STPG2: variants seen among roughly 807,000 people sequenced by gnomAD.
The protein encoded by STPG2 is sperm-tail PG-rich repeat-containing protein 2.
A neutral mutation model predicts 54.2 loss-of-function variants in STPG2; 56 were observed. That is an observed-to-expected ratio of 1.03 (90% CI 0.83 to 1.29). STPG2 has a LOEUF of 1.29. STPG2 is among the 50% of genes most tolerant of loss of function. STPG2 has a pLI of 0.00. For synonymous variants in STPG2, 200 were observed against 181.8 expected (o/e 1.10, Z -0.81); for missense variants, 596 against 544.9 (o/e 1.09, Z -0.93).
At chr4:97,508,510 G>A (rs543880711) in intron 4 of STPG2, among the ~76,000 whole-genome samples, 5 of 151,680 alleles carry the variant, frequency 3.3e-5, no homozygotes, top group Admixed American at 3.3e-4. Flanking sequence ...TATATGTACA[G>A]GTAAAAAAAT....
intron 1 of STPG2, among the ~76,000 whole-genome samples, chr4:98,139,755 A>G (rs1000985992): frequency 6.6e-6 from 1 of 152,220 alleles, no homozygotes; most frequent in East Asian, 1.9e-4. Flanking sequence ...TCAACAAGAC[A>G]CTATCCTATA....
At chr4:97,538,978 A>G (rs1218050034) in intron 4 of STPG2, among the ~76,000 whole-genome samples, 1 of 152,212 alleles carries the variant, frequency 6.6e-6, no homozygotes, top group African/African-American at 2.4e-5. Flanking sequence ...AATCCTTTAC[A>G]GATAAGCAAA....
chr4:97,861,894 G>A (rs936414628), intron 8 of STPG2, among the ~76,000 whole-genome samples: 3 of 152,008 alleles, frequency 2.0e-5, no homozygotes, highest in Non-Finnish European at 4.4e-5. Flanking sequence ...TCACCACCAG[G>A]CCTGCCCTAA....
chr4:97,918,003 A>G (rs1033017324), intron 8 of STPG2, among the ~76,000 whole-genome samples: 1 of 152,154 alleles, frequency 6.6e-6, no homozygotes, highest in East Asian at 1.9e-4. Context: ...CAAAACTACA[A>G]TGGAGAACTC....
intron 10 of STPG2, among the ~76,000 whole-genome samples, chr4:97,703,750 A>ATG (rs917919438): frequency 4.1e-5 from 6 of 145,180 alleles, no homozygotes; most frequent in Admixed American, 3.6e-4. Flanking sequence ...TATCGTATAT[A>ATG]TATAGTATAT....
chr4:97,903,739 C>T (rs182084034), intron 8 of STPG2, among the ~76,000 whole-genome samples: 308 of 152,246 alleles, frequency 2.0e-3, no homozygotes, highest in African/African-American at 7.2e-3. Flanking sequence ...TCAGTGGGTG[C>T]GCAAACTGTG....
chr4:97,943,518 T>C (rs995587021), intron 8 of STPG2, among the ~76,000 whole-genome samples: 1 of 138,952 alleles, frequency 7.2e-6, no homozygotes. Context: ...AATAAATCAC[T>C]CGGGAGTCTT....
intron 10 of STPG2, among the ~76,000 whole-genome samples, chr4:97,562,151 C>G (rs565847524): frequency 5.3e-5 from 8 of 152,172 alleles, no homozygotes; most frequent in South Asian, 2.1e-4. Context: ...TGAAGAGGTC[C>G]TTCACGTCCC....
At chr4:97,473,378 G>T (rs1288781789) in intron 4 of STPG2, among the ~76,000 whole-genome samples, 2 of 152,070 alleles carry the variant, frequency 1.3e-5, no homozygotes, top group African/African-American at 4.8e-5. Context: ...CTCGAAAATG[G>T]CCCCCTTGGG....
At chr4:97,855,980 G>C (rs1334362523) in intron 8 of STPG2, among the ~76,000 whole-genome samples, 1 of 152,122 alleles carries the variant, frequency 6.6e-6, no homozygotes, top group African/African-American at 2.4e-5. Context: ...GGCTGTAGGT[G>C]TGTGGTCTTA....
At chr4:97,829,316 G>A (rs1219454396) in intron 9 of STPG2, among the ~76,000 whole-genome samples, 1 of 152,024 alleles carries the variant, frequency 6.6e-6, no homozygotes, top group Non-Finnish European at 1.5e-5. Flanking sequence ...AACAGAAAGG[G>A]ATAGCATCAA....
intron 5 of STPG2, among the ~76,000 whole-genome samples, chr4:98,098,440 C>A (rs1393599931): frequency 6.6e-6 from 1 of 152,086 alleles, no homozygotes; most frequent in African/African-American, 2.4e-5. Context: ...TGAAACTAGA[C>A]CTCTCTCTCT....
At position 97,988,858 on chromosome 4, in the gene STPG2, C is replaced by T. The variant is rs558374882; in HGVS notation, c.613-7540G>A. 2.0e-5 allele frequency among the ~76,000 whole-genome samples: 3 copies of T among 152,330 alleles called. No individual in the cohort carries two copies. In the East Asian group the frequency reaches 5.8e-4, roughly 29 times the overall value. On this transcript the variant is annotated intron_variant, in intron 5 of 10. Transcript: ENST00000295268. ...TCTTGAACCGAGCTCAAGCGATCTG[C>T]CCGCCTTGGCCTCCCAAAGTTCTGG... is the stretch of plus-strand genomic sequence containing the variant.
intron 8 of STPG2, among the ~76,000 whole-genome samples, chr4:97,889,587 C>A: frequency 6.6e-6 from 1 of 152,072 alleles, no homozygotes; most frequent in Admixed American, 6.5e-5. Context: ...ACTGCATGAT[C>A]TCACTAATAT....
intron 10 of STPG2, among the ~76,000 whole-genome samples, chr4:97,698,949 A>C (rs1391697319): frequency 2.6e-5 from 4 of 152,170 alleles, no homozygotes; most frequent in East Asian, 3.9e-4. Context: ...ACAGTGGATA[A>C]GGCATTCTGT....
chr4:97,712,306 G>A (rs140452139), intron 10 of STPG2, among the ~76,000 whole-genome samples: 1 of 151,978 alleles, frequency 6.6e-6, no homozygotes, highest in Admixed American at 6.5e-5. Context: ...AAATAAAAGA[G>A]CAACACACAA....
chr4:97,856,474 T>A (rs1729341858), intron 8 of STPG2, among the ~76,000 whole-genome samples: 2 of 152,160 alleles, frequency 1.3e-5, no homozygotes, highest in Non-Finnish European at 2.9e-5. Context: ...CTGTTGTTGG[T>A]GTATAGGAAT....
At position 97,842,564 on chromosome 4, in the gene STPG2, C is replaced by T. The variant is rs140174148; in HGVS notation, c.1045-1632G>A. Among the ~76,000 whole-genome samples, 1,042 of 152,008 alleles carry T rather than the reference C, an allele frequency of 6.9e-3. 6 individuals carry two copies. The highest frequency in any genetic ancestry group is 0.024 in the South Asian group (117 of 4,826). On this transcript the variant is annotated intron_variant, in intron 8 of 10. Coordinates refer to ENST00000295268, the MANE Select transcript of STPG2 (RefSeq NM_174952.3). ...TGTTCCCATTTCCTGTAACACCCTA[C>T]GTGGTGTCACCATCTATTTCTTCTT... is the stretch of plus-strand genomic sequence containing the variant.
At chr4:97,601,867 A>C (rs533674530) in intron 10 of STPG2, among the ~76,000 whole-genome samples, 1 of 152,038 alleles carries the variant, frequency 6.6e-6, no homozygotes, top group African/African-American at 2.4e-5. Flanking sequence ...AAATTTATAG[A>C]TCAAGTTGGG....
Sources: gnomAD v4.1 joint callset for allele counts (sites outside exome capture counted in the v4.1 genomes callset) on GRCh38, gnomAD v4.1.1 for gene constraint, MANE v1.5 for transcripts, NCBI Gene and HGNC (gene_info 2026-07-23, HGNC 2026-07-21) for gene names.